Variants in DIP2C observed in about 807,000 individuals in gnomAD.
The protein encoded by DIP2C is disco-interacting protein 2 homolog C.
A neutral mutation model predicts 192.4 loss-of-function variants in DIP2C; 33 were observed. The ratio of observed to expected loss-of-function variants is 0.17; its 90% CI spans 0.13 to 0.23. The LOEUF is 0.23. Ranked by LOEUF, DIP2C falls within the 10% of genes least tolerant of loss-of-function variation. DIP2C has a pLI of 1.00. For synonymous variants in DIP2C, 979 were observed against 864.1 expected (o/e 1.13, Z -2.33); for missense variants, 1,537 against 2,110.1 (o/e 0.73, Z 5.32).
chr10:449,348 A>C (rs966785418), intron 3 of DIP2C, among the ~76,000 whole-genome samples: 1 of 152,332 alleles, frequency 6.6e-6, no homozygotes, highest in Admixed American at 6.5e-5. Context: ...ATTAACGATC[A>C]AGTAAAGAAA....
intron 31 of DIP2C, 53 bp downstream of exon 31, chr10:326,953 C>A: frequency 1.3e-6 from 2 of 1,573,336 alleles, no homozygotes; most frequent in Non-Finnish European, 1.7e-6. Context: ...TGTGCTGTAC[C>A]CACCCCGGGA....
chr10:288,397 G>A lies in DIP2C; in HGVS notation c.4011C>T (p.Ser1337=), dbSNP rs1055798775. The A allele has an allele frequency of 1.9e-6, 3 of 1,613,830 alleles. No homozygotes were observed. Among genetic ancestry groups the A allele is most frequent in the Non-Finnish European group, 1.7e-6 (2 of 1,179,940 alleles). ...ATTCCATCAGGGGCAGACTATGAGGGGATCCTCTTTCCACTAAGCGGACTC... is the reference window on the plus strand; with the variant it reads ...ATTCCATCAGGGGCAGACTATGAGGAGATCCTCTTTCCACTAAGCGGACTC... ...HDRVRLVERG[S]PHSLPLMESG... The change falls in exon 33 of 37, where the codon TCC becomes TCT. Residue 1337 remains serine (S), a synonymous_variant. Transcript: ENST00000280886.
intron 1 of DIP2C, among the ~76,000 whole-genome samples, chr10:594,322 C>A (rs1462094742): frequency 6.6e-6 from 1 of 152,212 alleles, no homozygotes; most frequent in Non-Finnish European, 1.5e-5. Flanking sequence ...TGAAACTCCC[C>A]ACTTACCTCC....
chr10:534,097 T>TCC (rs1668930131), intron 1 of DIP2C, among the ~76,000 whole-genome samples: 1 of 151,506 alleles, frequency 6.6e-6, no homozygotes, highest in East Asian at 1.9e-4. Flanking sequence ...GAGGAGCCCC[T>TCC]CCTGCGGATG....
At position 317,517 on chromosome 10, in the gene DIP2C, C is replaced by T. The variant is rs377174165; in HGVS notation, c.3925-7425G>A. ...CAGATGAAAGCACCCAGACGTGACACGGCACGGCTGTTTTTGTTGAACTTA... is the reference window on the plus strand; with the variant it reads ...CAGATGAAAGCACCCAGACGTGACATGGCACGGCTGTTTTTGTTGAACTTA... On this transcript the variant is annotated intron_variant, in intron 31 of 36. Coordinates refer to ENST00000280886, the MANE Select transcript of DIP2C (RefSeq NM_014974.3). 7.8e-4 allele frequency among the ~76,000 whole-genome samples: 119 copies of T among 152,328 alleles called. 2 individuals carry two copies. In the East Asian group the frequency reaches 0.013, roughly 17 times the overall value.
chr10:454,382 A>G (rs946065837), intron 3 of DIP2C, among the ~76,000 whole-genome samples: 1 of 152,238 alleles, frequency 6.6e-6, no homozygotes, highest in African/African-American at 2.4e-5. Context: ...AAAAATACTA[A>G]AAAGGGATAA....
chr10:522,324 T>C (rs1846765329), intron 1 of DIP2C, among the ~76,000 whole-genome samples: 1 of 152,266 alleles, frequency 6.6e-6, no homozygotes, highest in Admixed American at 6.5e-5. Flanking sequence ...TCCATTCACC[T>C]ACTGAAGGGC....
chr10:286,135 T>C, intron 34 of DIP2C, 138 bp downstream of exon 34: 1 of 774,154 alleles, frequency 1.3e-6, no homozygotes, highest in Non-Finnish European at 2.2e-6. Context: ...TCACGCTATT[T>C]CCCAGGCAAT....
intron 1 of DIP2C, among the ~76,000 whole-genome samples, chr10:515,517 G>A (rs1846296359): frequency 6.6e-6 from 1 of 152,146 alleles, no homozygotes; most frequent in African/African-American, 2.4e-5. Flanking sequence ...GAGGTAAGGA[G>A]TTCAAGACCA....
chr10:619,514 C>CAGGGCA, intron 1 of DIP2C, among the ~76,000 whole-genome samples: 1 of 108,490 alleles, frequency 9.2e-6, no homozygotes, highest in East Asian at 2.6e-4. Context: ...GGCTTTATGC[C>CAGGGCA]AGGGCCAGGA....
intron 1 of DIP2C, among the ~76,000 whole-genome samples, chr10:547,241 A>G (rs1254226867): frequency 6.6e-6 from 1 of 152,208 alleles, no homozygotes; most frequent in Non-Finnish European, 1.5e-5. Flanking sequence ...TCGCGAGGCC[A>G]CAGCCTTGGT....
chr10:345,133 G>T (rs761426034), intron 26 of DIP2C, 23 bp from the exon 27 acceptor site: 1 of 1,600,916 alleles, frequency 6.2e-7, no homozygotes, highest in Admixed American at 1.7e-5. Context: ...AGCGAGAATG[G>T]AGCCATGAAC....
At chr10:647,695 G>A (rs1855540418) in intron 1 of DIP2C, among the ~76,000 whole-genome samples, 1 of 149,772 alleles carries the variant, frequency 6.7e-6, no homozygotes, top group African/African-American at 2.5e-5. Context: ...GAGGGAAACT[G>A]AGCCCACGTC....
At chr10:544,018 A>G (rs761984701) in intron 1 of DIP2C, among the ~76,000 whole-genome samples, 64 of 152,138 alleles carry the variant, frequency 4.2e-4, no homozygotes, top group Non-Finnish European at 1.6e-4. Flanking sequence ...GTGACCTTTG[A>G]CGTGACCTTT....
intron 1 of DIP2C, among the ~76,000 whole-genome samples, chr10:638,570 T>TA (rs1854962596): frequency 6.6e-6 from 1 of 152,168 alleles, no homozygotes. Flanking sequence ...ATAACATAAA[T>TA]AAGTGCATCG....
rs1210962459 is a variant in DIP2C at position 484,923 on chromosome 10, C to G, written c.157+1536G>C. ...CTCCTTCACTGTGCTGCAGTCTACA[C>G]CGAACCACGGCAGCTCCATTCGCTG... On this transcript the variant is annotated intron_variant, in intron 2 of 36. Transcript: ENST00000280886. 2.5e-6 allele frequency: 4 copies of G among 1,611,286 alleles called. No homozygotes were observed. In the East Asian group the frequency reaches 8.9e-5, roughly 36 times the overall value.
chr10:560,962 C>CT lies in DIP2C; in HGVS notation c.86-74433dup, dbSNP rs558154095. 3.9e-3 allele frequency among the ~76,000 whole-genome samples: 591 copies of CT among 152,284 alleles called. 3 individuals carry two copies. Among genetic ancestry groups the CT allele is most frequent in the African/African-American group, 0.013 (542 of 41,504 alleles). On this transcript the variant is annotated intron_variant, in intron 1 of 36. Transcript: ENST00000280886. ...CAAAGCCTTGGTCTCCACACAACCC[C>CT]TTAATCGTACAACTCTCTCAACCAA... is the stretch of plus-strand genomic sequence containing the variant.
intron 32 of DIP2C, among the ~76,000 whole-genome samples, chr10:297,214 AAACC>A (rs1235836591): frequency 7.0e-6 from 1 of 142,204 alleles, no homozygotes; most frequent in African/African-American, 2.7e-5. Context: ...AAACAAAACA[AAACC>A]AACCCCCCCC....
At chr10:441,165 A>C (rs1200478798) in intron 3 of DIP2C, 169 bp from the exon 4 acceptor site, 1 of 724,444 alleles carries the variant, frequency 1.4e-6, no homozygotes, top group Non-Finnish European at 2.1e-6. Context: ...AAGACATTAA[A>C]ATTCATTCAC....
Sources: allele counts gnomAD v4.1 joint callset (sites outside exome capture counted in the v4.1 genomes callset), GRCh38; gene constraint gnomAD v4.1.1; transcripts MANE v1.5; gene names NCBI Gene and HGNC (gene_info 2026-07-23, HGNC 2026-07-21).